The following MYH10 variants were observed in gnomAD, a reference collection of about 807,000 sequenced individuals.
MYH10 encodes the protein myosin-10.
MYH10 carries 55 observed loss-of-function variants against 257.8 expected under a neutral mutation model. That is an observed-to-expected ratio of 0.21 (90% CI 0.17 to 0.27). The LOEUF (loss-of-function observed/expected upper bound fraction) is 0.27. Among genes scored for constraint, MYH10 ranks in the 10% least tolerant of loss-of-function variants. MYH10 has a pLI of 1.00. For synonymous variants in MYH10, 854 were observed against 921.7 expected (o/e 0.93, Z 1.33); for missense variants, 1,631 against 2,500.6 (o/e 0.65, Z 7.42).
At chr17:8,574,144 A>G (rs2083430322) in intron 6 of MYH10, among the ~76,000 whole-genome samples, 1 of 152,238 alleles carries the variant, frequency 6.6e-6, no homozygotes, top group Non-Finnish European at 1.5e-5. Context: ...CCATTCACTG[A>G]TGAATGGATA....
At chr17:8,629,062 G>C (rs2085791383) in intron 1 of MYH10, among the ~76,000 whole-genome samples, 1 of 152,128 alleles carries the variant, frequency 6.6e-6, no homozygotes, top group Non-Finnish European at 1.5e-5. Flanking sequence ...ACCCGAGACA[G>C]GCAGGGCATA....
chr17:8,481,886 C>G (rs1287007572), intron 37 of MYH10, among the ~76,000 whole-genome samples: 1 of 152,192 alleles, frequency 6.6e-6, no homozygotes, highest in East Asian at 1.9e-4. Context: ...GATCAATGCT[C>G]CCATGGAGAG....
intron 2 of MYH10, among the ~76,000 whole-genome samples, chr17:8,606,028 C>T (rs1027005446): frequency 6.6e-5 from 10 of 151,696 alleles, no homozygotes; most frequent in Non-Finnish European, 8.8e-5. Flanking sequence ...TCATGATTAA[C>T]TACTATTCTT....
intron 37 of MYH10, among the ~76,000 whole-genome samples, chr17:8,482,970 C>T (rs75096475): frequency 0.034 from 5,152 of 152,258 alleles, 116 homozygotes; most frequent in South Asian, 0.12. Flanking sequence ...TAAGTACCCA[C>T]GGAACACTTA....
chr17:8,493,086 A>G (rs1916032812), intron 32 of MYH10, 62 bp from the exon 33 acceptor site: 1 of 1,554,286 alleles, frequency 6.4e-7, no homozygotes. Context: ...GGGGCCAGGC[A>G]TGGTGGCTCA....
intron 2 of MYH10, among the ~76,000 whole-genome samples, chr17:8,608,871 C>T (rs890931836): frequency 6.7e-6 from 1 of 149,974 alleles, no homozygotes; most frequent in South Asian, 2.1e-4. Context: ...AGTGCAGTGG[C>T]ACGATCTCGG....
At chr17:8,564,242 G>A (rs187958744) in intron 7 of MYH10, among the ~76,000 whole-genome samples, 168 of 152,246 alleles carry the variant, frequency 1.1e-3, no homozygotes, top group African/African-American at 3.7e-3. Flanking sequence ...GAAATTAGTC[G>A]TCTATATCAG....
At chr17:8,592,964 T>TATATATATATATATATATATAA (rs1567953199) in intron 3 of MYH10, among the ~76,000 whole-genome samples, 3 of 119,916 alleles carry the variant, frequency 2.5e-5, no homozygotes, top group Admixed American at 8.4e-5. Flanking sequence ...TATATATATA[T>TATATATATATATATATATATAA]ATATATAAAA....
rs184124261 is a variant in MYH10 at position 8,487,486 on chromosome 17, C to T, written c.4993G>A (p.Glu1665Lys). The T allele has an allele frequency of 9.9e-6, 16 of 1,614,234 alleles. No individual in the cohort carries two copies. Among genetic ancestry groups the T allele is most frequent in the Middle Eastern group, 1.7e-4 (1 of 6,052 alleles). The change falls in exon 36 of 43, where the codon GAG becomes AAG. Residue 1665 changes from glutamate to lysine, a missense_variant. By Grantham distance (56) the Glu-to-Lys change is moderately conservative. Around this residue, in one of 11 missense-constraint regions of MYH10, gnomAD observed 463 missense variants for 621.8 expected, o/e 0.74. Transcript: ENST00000360416. ...IDLKDLEAQI[E>K]AANKARDEVI... is the part of the protein sequence containing the mutation. ...TCATCCCGAGCTTTGTTCGCAGCCT[C>T]GATTTGGGCTTCGAGGTCCTTCAGG...
At chr17:8,585,703 CG>C (rs1161339467) in intron 4 of MYH10, among the ~76,000 whole-genome samples, 1 of 151,674 alleles carries the variant, frequency 6.6e-6, no homozygotes, top group East Asian at 1.9e-4. Context: ...TAGGTAAGTA[CG>C]GGGGGACAGG....
At chr17:8,515,083 C>T (rs763088693) in intron 21 of MYH10, among the ~76,000 whole-genome samples, 9 of 152,056 alleles carry the variant, frequency 5.9e-5, no homozygotes, top group Non-Finnish European at 1.3e-4. Context: ...TTTTTGTTGG[C>T]ACAACCAAGT....
intron 16 of MYH10, among the ~76,000 whole-genome samples, chr17:8,533,204 C>A (rs967974596): frequency 6.6e-6 from 1 of 152,122 alleles, no homozygotes; most frequent in Non-Finnish European, 1.5e-5. Flanking sequence ...TTCACTTCTT[C>A]GAATTCAGAA....
chr17:8,597,036 C>G (rs2084397757), intron 3 of MYH10, among the ~76,000 whole-genome samples: 1 of 152,074 alleles, frequency 6.6e-6, no homozygotes, highest in Non-Finnish European at 1.5e-5. Context: ...TGAGAAATTA[C>G]TTGATGCACT....
chr17:8,560,913 G>A (rs2082969480), intron 7 of MYH10: 1 of 487,694 alleles, frequency 2.1e-6, no homozygotes, highest in Non-Finnish European at 3.8e-6. Flanking sequence ...TCTGGGTCCG[G>A]GAATGGTGAG....
chr17:8,623,603 A>G (rs2152110147), intron 1 of MYH10: 1 of 157,200 alleles, frequency 6.4e-6, no homozygotes, highest in South Asian at 2.1e-4. Flanking sequence ...TTAAACAGGG[A>G]GTTAAGAAGG....
intron 31 of MYH10, among the ~76,000 whole-genome samples, chr17:8,494,125 C>A (rs1916204016): frequency 6.6e-6 from 1 of 152,154 alleles, no homozygotes; most frequent in African/African-American, 2.4e-5. Context: ...ACCCAGGGGC[C>A]CAGGCTGGAG....
intron 19 of MYH10, 94 bp downstream of exon 19, chr17:8,520,784 G>A: frequency 7.3e-7 from 1 of 1,363,242 alleles, no homozygotes; most frequent in South Asian, 1.5e-5. Context: ...CTATGTAGGG[G>A]ACAAGGAAAA....
At chr17:8,538,177 G>A (rs2082195842) in intron 14 of MYH10, among the ~76,000 whole-genome samples, 1 of 152,098 alleles carries the variant, frequency 6.6e-6, no homozygotes, top group African/African-American at 2.4e-5. Context: ...ACTCTCATGG[G>A]GTTTACAAAA....
chr17:8,516,814 T>C (rs1292821060), intron 21 of MYH10, among the ~76,000 whole-genome samples: 3 of 152,198 alleles, frequency 2.0e-5, no homozygotes, highest in Non-Finnish European at 4.4e-5. Flanking sequence ...ACAGGTTCTC[T>C]TTATTATTTA....
Sources: gnomAD v4.1 joint callset for allele counts (sites outside exome capture counted in the v4.1 genomes callset) on GRCh38, gnomAD v4.1.1 for gene constraint, gnomAD v4.1.1 regional missense constraint, MANE v1.5 for transcripts, NCBI Gene and HGNC (gene_info 2026-07-23, HGNC 2026-07-21) for gene names.